The following NUP210L variants were observed in gnomAD, a reference collection of about 807,000 sequenced individuals.
The protein encoded by NUP210L is nucleoporin 210 like.
In NUP210L, 74 loss-of-function variants were observed where a neutral mutation model predicts 208.5. The observed-to-expected ratio is 0.35, with a 90% confidence interval of 0.29 to 0.43. The LOEUF (loss-of-function observed/expected upper bound fraction) is 0.43. NUP210L is among the 20% of genes least tolerant of loss of function. The probability of loss-of-function intolerance (pLI) is 1.00; values close to 1 mark genes in which losing one functional copy is unlikely to be tolerated. For synonymous variants in NUP210L, 780 were observed against 816.9 expected, an observed-to-expected ratio of 0.95 and a Z score of 0.77; for missense variants, 1,843 against 2,289.4, an observed-to-expected ratio of 0.81 and a Z score of 3.98.
rs1650992197 is a variant in NUP210L, at chr1:154,012,644, G to A, written c.4654-274C>T. On this transcript the variant is annotated intron_variant, in intron 33 of 39. Transcript: ENST00000368559. ...TGAAGCCTCAAATTCCTAGGCTCAA[G>A]CAATCCTCCTGCCTCAGCCTCTAGA... is the stretch of plus-strand genomic sequence containing the variant. Among the ~76,000 whole-genome samples, 3 of 151,876 alleles carry A rather than the reference G, an allele frequency of 2.0e-5. No homozygotes were observed. The South Asian group carries it at 6.2e-4, about 31-fold the overall frequency.
At chr1:154,144,877 G>A (rs938081540) in intron 2 of NUP210L, among the ~76,000 whole-genome samples, 1 of 152,162 alleles carries the variant, frequency 6.6e-6, no homozygotes, top group Non-Finnish European at 1.5e-5. Context: ...GCTGAGGCAG[G>A]GTAGGTGGAT....
chr1:154,050,662 A>C (rs1653439112), intron 25 of NUP210L, among the ~76,000 whole-genome samples: 1 of 152,210 alleles, frequency 6.6e-6, no homozygotes, highest in Non-Finnish European at 1.5e-5. Flanking sequence ...TAAATACAGC[A>C]AGCTTTTATA....
chr1:154,023,130 A>G (rs1557920699), exon 31 of NUP210L: 2 of 1,613,698 alleles, frequency 1.2e-6, no homozygotes, highest in South Asian at 1.1e-5. Context: ...ACCTGTTCAG[A>G]GCCAGATAAA....
rs376274427 is a variant in NUP210L, at chr1:154,027,573, A to G, written c.3880T>C (p.Tyr1294His). The change falls in exon 29 of 40, where the codon TAT becomes CAT. Residue 1294 changes from tyrosine (Y) to histidine (H), a missense_variant. Tyr to His is a moderately conservative substitution (Grantham distance 83). Around this residue, in one of 5 missense-constraint regions of NUP210L, gnomAD observed 781 missense variants for 973.8 expected, o/e 0.80. Coordinates refer to ENST00000368559, the Ensembl canonical transcript of NUP210L. ...ATCTGCTCTGGTTGGCACTCTGGAT[A>G]GAAGAGTTGGAGTTTTTCAAACACC... is the stretch of plus-strand genomic sequence containing the variant. 3 of 1,613,330 alleles carry G rather than the reference A, an allele frequency of 1.9e-6. No individual in the cohort carries two copies. In the African/African-American group the frequency reaches 4.0e-5, roughly 22 times the overall value.
At chr1:154,064,399 C>A (rs986431779) in intron 17 of NUP210L, among the ~76,000 whole-genome samples, 1 of 152,072 alleles carries the variant, frequency 6.6e-6, no homozygotes, top group African/African-American at 2.4e-5. Context: ...CTTTTTAGAA[C>A]CTCATCTATG....
intron 25 of NUP210L, among the ~76,000 whole-genome samples, chr1:154,049,505 T>C (rs1419613126): frequency 6.6e-6 from 1 of 152,160 alleles, no homozygotes; most frequent in Non-Finnish European, 1.5e-5. Flanking sequence ...ATCTATAGCT[T>C]TAAAATGGTT....
At chr1:154,140,461 G>C (rs1658791475) in intron 4 of NUP210L, among the ~76,000 whole-genome samples, 1 of 150,130 alleles carries the variant, frequency 6.7e-6, no homozygotes, top group African/African-American at 2.4e-5. Context: ...GAGGTCAGGA[G>C]TTTGAGACCA....
At chr1:154,035,496 C>G (rs890195193) in intron 27 of NUP210L, among the ~76,000 whole-genome samples, 35 of 151,430 alleles carry the variant, frequency 2.3e-4, no homozygotes, top group African/African-American at 8.0e-4. Flanking sequence ...CTCCCGGGTT[C>G]AAGCGATTCT....
chr1:154,083,019 G>C (rs1430518177), intron 16 of NUP210L, among the ~76,000 whole-genome samples: 1 of 152,324 alleles, frequency 6.6e-6, no homozygotes, highest in Non-Finnish European at 1.5e-5. Flanking sequence ...TTCGTGGTGA[G>C]TGTTACAGCT....
At chr1:154,012,100 A>T in intron 34 of NUP210L, 144 bp downstream of exon 34, 1 of 750,346 alleles carries the variant, frequency 1.3e-6, no homozygotes, top group Non-Finnish European at 2.2e-6. Context: ...CTGAGGTCTC[A>T]TAGAGCTCTA....
At chr1:154,049,785 T>A (rs1299385695) in intron 25 of NUP210L, among the ~76,000 whole-genome samples, 1 of 152,200 alleles carries the variant, frequency 6.6e-6, no homozygotes, top group East Asian at 1.9e-4. Context: ...TGGCCTTTAA[T>A]GTCATAGATT....
exon 28 of NUP210L, chr1:154,029,918 A>G: frequency 6.2e-7 from 1 of 1,608,904 alleles, no homozygotes; most frequent in Non-Finnish European, 8.5e-7. Context: ...TTCATCAGAG[A>G]GTTCCAACAA....
chr1:154,151,743 G>A (rs575307029), intron 2 of NUP210L, among the ~76,000 whole-genome samples: 2 of 152,100 alleles, frequency 1.3e-5, no homozygotes, highest in East Asian at 3.9e-4. Flanking sequence ...AGCTACTGTC[G>A]TGCCATTGCA....
Position 154,046,388 on chromosome 1 carries a change from A to G in NUP210L, c.3484-19T>C, listed in dbSNP as rs1653183085. Reference sequence around the variant, plus strand: ...CTTCATCCTGCTCAACAGGGTGGAGAGCAAGCTTAGGCTAAGAGGGAGTTT... The same window carrying G: ...CTTCATCCTGCTCAACAGGGTGGAGGGCAAGCTTAGGCTAAGAGGGAGTTT... On this transcript the variant is annotated intron_variant, in intron 25 of 39. Coordinates refer to ENST00000368559, the Ensembl canonical transcript of NUP210L. 1 of 1,607,070 alleles carries G rather than the reference A, an allele frequency of 6.2e-7. No homozygotes were observed. The highest frequency in any genetic ancestry group is 8.5e-7 in the Non-Finnish European group (1 of 1,173,972).
chr1:154,060,107 T>G (rs1437848545), intron 20 of NUP210L, among the ~76,000 whole-genome samples: 1 of 152,182 alleles, frequency 6.6e-6, no homozygotes. Context: ...GACATGGTGG[T>G]GGGCTCCTGT....
rs776187589 is a variant in NUP210L, at chr1:154,135,980, A to C, written c.851-8T>G. ...CCAGGGGAAATTTCACCTCTGTAAG[A>C]CATGAAAGATACATAAATGTAATGA... is the stretch of plus-strand genomic sequence containing the variant. On this transcript the variant is annotated splice_polypyrimidine_tract_variant and splice_region_variant and intron_variant, in intron 6 of 39. Transcript: ENST00000368559. 6.3e-7 allele frequency: 1 copy of C among 1,583,224 alleles called. No individual in the cohort carries two copies. The highest frequency in any genetic ancestry group is 1.1e-5 in the South Asian group (1 of 90,384).
chr1:153,997,693 G>GTTTTTTT (rs34933362), intron 37 of NUP210L, among the ~76,000 whole-genome samples: 1 of 117,696 alleles, frequency 8.5e-6, no homozygotes, highest in African/African-American at 3.1e-5. Flanking sequence ...TACTGTATTT[G>GTTTTTTT]TTTTTTTTTT....
intron 3 of NUP210L, among the ~76,000 whole-genome samples, chr1:154,142,008 T>C (rs774786188): frequency 3.9e-5 from 6 of 152,006 alleles, no homozygotes; most frequent in Non-Finnish European, 5.9e-5. Flanking sequence ...AAATAAAAAC[T>C]TAGCCAGGTA....
At chr1:153,995,483 TC>T (rs1649792808) in intron 37 of NUP210L, 1 of 569,174 alleles carries the variant, frequency 1.8e-6, no homozygotes, top group Non-Finnish European at 3.1e-6. Context: ...TTTGACTTCT[TC>T]CTATCTCCAG....
Sources: gnomAD v4.1 joint callset for allele counts (sites outside exome capture counted in the v4.1 genomes callset) on GRCh38, gnomAD v4.1.1 for gene constraint, gnomAD v4.1.1 regional missense constraint, MANE v1.5 for transcripts, NCBI Gene and HGNC (gene_info 2026-07-23, HGNC 2026-07-21) for gene names.